ZC3H13: variants seen among roughly 807,000 people sequenced by gnomAD.
ZC3H13 encodes zinc finger CCCH domain-containing protein 13.
In ZC3H13, 64 loss-of-function variants were observed where a neutral mutation model predicts 204.1. The observed-to-expected ratio is 0.31, with a 90% CI of 0.26 to 0.39. The LOEUF is 0.39. Ranked by LOEUF, ZC3H13 falls within the 10% of genes least tolerant of loss-of-function variation. The pLI, the probability that ZC3H13 is intolerant of heterozygous loss-of-function variation, is 1.00. For synonymous variants in ZC3H13, 667 were observed against 693.7 expected, an observed-to-expected ratio of 0.96 and a Z score of 0.60; for missense variants, 1,833 against 2,082.7, an observed-to-expected ratio of 0.88 and a Z score of 2.33.
At chr13:46,010,196 T>C in intron 7 of ZC3H13, 152 bp downstream of exon 7, 1 of 750,392 alleles carries the variant, frequency 1.3e-6, no homozygotes, top group Non-Finnish European at 1.9e-6. Context: ...TAATTGTCTT[T>C]TTAATTGAAA....
At chr13:45,985,219 A>C in intron 10 of ZC3H13, 78 bp downstream of exon 10, 1 of 1,340,160 alleles carries the variant, frequency 7.5e-7, no homozygotes, top group South Asian at 1.5e-5. Flanking sequence ...CAAATGTAAG[A>C]AACAACATAT....
rs1346242609 is a variant in ZC3H13, at chr13:45,969,518, T to A, written c.3026A>T (p.Lys1009Ile). 6.2e-7 allele frequency: 1 copy of A among 1,602,420 alleles called. No individual in the cohort carries two copies. Residue 1009 changes from lysine to isoleucine, a missense_variant, in exon 14 of 19, where the codon AAA becomes ATA. By Grantham distance (102) the Lys-to-Ile change is moderately radical. Coordinates refer to ENST00000679008, the MANE Select transcript of ZC3H13 (RefSeq NM_001330564.2). Reference protein sequence around the residue: ...KKKSIEKKRKKSKGDSDISDE... With the variant: ...KKKSIEKKRKISKGDSDISDE... ...AGAAATATCAGAATCACCTTTGGAT[T>A]TTTTACGTTTTTTTTCAATGCTTTT...
At chr13:45,984,725 G>C (rs1453744977) in intron 10 of ZC3H13, among the ~76,000 whole-genome samples, 2 of 152,180 alleles carry the variant, frequency 1.3e-5, no homozygotes, top group Admixed American at 1.3e-4. Flanking sequence ...AAAGCAGGTG[G>C]AGGTAAAGAG....
chr13:45,990,493 C>T (rs2039893088), intron 8 of ZC3H13, among the ~76,000 whole-genome samples: 1 of 152,148 alleles, frequency 6.6e-6, no homozygotes, highest in Admixed American at 6.5e-5. Context: ...GAACACTACA[C>T]TCACTTAAAC....
Position 45,980,152 on chromosome 13 carries a change from A to G in ZC3H13, c.1721-148T>C, listed in dbSNP as rs1953433791. The G allele has an allele frequency of 4.4e-6, 3 of 685,896 alleles. No individual in the cohort carries two copies. The African/African-American group carries it at 5.7e-5, about 13-fold the overall frequency. The allele number at this position is 685,896 out of a possible 1,614,324, so 42.5% of individuals were successfully genotyped here. A position where few individuals can be genotyped will look rare whatever the true frequency, so the allele number is the denominator to read the frequency against. ...TCACTCCTGAAAAGAGTATCAAGCA[A>G]TGAATCAGAACAACCAAGGTGTCCA... On this transcript the variant is annotated intron_variant, in intron 10 of 18. Coordinates refer to ENST00000679008, the MANE Select transcript of ZC3H13 (RefSeq NM_001330564.2).
intron 4 of ZC3H13, among the ~76,000 whole-genome samples, chr13:46,020,760 A>G (rs1282737923): frequency 6.6e-6 from 1 of 152,142 alleles, no homozygotes; most frequent in Non-Finnish European, 1.5e-5. Context: ...CCATTTTACT[A>G]AAGAACAAAA....
chr13:46,014,458 G>A (rs375795385), intron 5 of ZC3H13, among the ~76,000 whole-genome samples: 2 of 152,074 alleles, frequency 1.3e-5, no homozygotes, highest in Admixed American at 6.5e-5. Flanking sequence ...ATATATAAAA[G>A]GTTTATGTAT....
chr13:46,000,310 T>C (rs1182454413), intron 8 of ZC3H13, among the ~76,000 whole-genome samples: 1 of 152,052 alleles, frequency 6.6e-6, no homozygotes, highest in Non-Finnish European at 1.5e-5. Flanking sequence ...CACTGAAAAT[T>C]TGTTTAGTGT....
chr13:46,052,601 AC>A lies in ZC3H13; in HGVS notation c.-208del, dbSNP rs2044564599. ...CCGGGATGGCTGAGAAGCAGAACCA[AC>A]CCGCCCGCCGCCTCTCCAGGGTCAA... On this transcript the variant is annotated 5_prime_UTR_variant, in exon 1 of 19. Coordinates refer to ENST00000679008, the MANE Select transcript of ZC3H13 (RefSeq NM_001330564.2). 5.0e-6 allele frequency: 2 copies of A among 398,366 alleles called. No homozygotes were observed. Among genetic ancestry groups the A allele is most frequent in the Non-Finnish European group, 8.8e-6 (2 of 226,082 alleles). The allele number at this position is 398,366 out of a possible 1,614,324, so 24.7% of individuals were successfully genotyped here. A position where few individuals can be genotyped will look rare whatever the true frequency, so the allele number is the denominator to read the frequency against.
intron 12 of ZC3H13, 141 bp downstream of exon 12, chr13:45,975,142 T>C (rs1952912170): frequency 7.5e-7 from 1 of 1,334,936 alleles, no homozygotes; most frequent in Non-Finnish European, 1.0e-6. Context: ...CACCGATACA[T>C]ATACTAAATT....
At position 45,985,659 on chromosome 13, in the gene ZC3H13, C is replaced by A. The variant is rs1954115672; in HGVS notation, c.1358G>T (p.Arg453Leu). 6.2e-7 allele frequency: 1 copy of A among 1,613,890 alleles called. No homozygotes were observed. Among genetic ancestry groups the A allele is most frequent in the Non-Finnish European group, 8.5e-7 (1 of 1,180,016 alleles). ...SRDHRDDREP[R>L]DGRDRRDARD... The stretch of plus-strand genomic sequence containing the variant: ...GGCATCTCTCCGATCCCGACCATCT[C>A]GAGGTTCTCTGTCATCTCTGTGGTC... Residue 453 changes from arginine (R) to leucine (L), a missense_variant, in exon 10 of 19, where the codon CGA (arginine) becomes CTA (leucine). Arg to Leu is a moderately radical substitution (Grantham distance 102, BLOSUM62 -2). Around this residue, in one of 5 missense-constraint regions of ZC3H13, gnomAD observed 1,574 missense variants for 1,757.2 expected, o/e 0.90. Coordinates refer to ENST00000679008, the MANE Select transcript of ZC3H13 (RefSeq NM_001330564.2).
chr13:46,030,342 TA>T (rs1218955522), intron 4 of ZC3H13, among the ~76,000 whole-genome samples: 1 of 152,216 alleles, frequency 6.6e-6, no homozygotes, highest in Admixed American at 6.5e-5. Flanking sequence ...TCCCTCTCAC[TA>T]TTCCTTTTCA....
chr13:45,988,258 ATTATTG>A (rs2039696812), intron 9 of ZC3H13, among the ~76,000 whole-genome samples: 1 of 151,952 alleles, frequency 6.6e-6, no homozygotes, highest in Non-Finnish European at 1.5e-5. Flanking sequence ...TATTATTATT[ATTATTG>A]TTATTATTTT....
At chr13:45,982,404 C>T (rs997758798) in intron 10 of ZC3H13, among the ~76,000 whole-genome samples, 5 of 150,468 alleles carry the variant, frequency 3.3e-5, no homozygotes, top group African/African-American at 7.4e-5. Flanking sequence ...GACCTAGAGG[C>T]GAAACAGATA....
intron 4 of ZC3H13, among the ~76,000 whole-genome samples, chr13:46,037,095 A>G (rs1410294175): frequency 6.6e-6 from 1 of 152,228 alleles, no homozygotes; most frequent in Non-Finnish European, 1.5e-5. Context: ...AACAAAGATC[A>G]TGAAAAAGTT....
rs540074025 is a variant in ZC3H13 at position 45,983,819 on chromosome 13, T to C, written c.1720+1478A>G. Among the ~76,000 whole-genome samples, 37 of 152,282 alleles carry C rather than the reference T, an allele frequency of 2.4e-4. No individual in the cohort carries two copies. In the South Asian group the frequency reaches 7.7e-3, roughly 32 times the overall value. ...TCAGAAAAGAAGAGCCAAATCAGTG[T>C]GTTCCTAGGAACATCTGTTAAGAGA... is the stretch of plus-strand genomic sequence containing the variant. On this transcript the variant is annotated intron_variant, in intron 10 of 18. Coordinates refer to ENST00000679008, the MANE Select transcript of ZC3H13 (RefSeq NM_001330564.2).
intron 11 of ZC3H13, among the ~76,000 whole-genome samples, chr13:45,978,410 T>C (rs1160355031): frequency 6.6e-6 from 1 of 152,070 alleles, no homozygotes; most frequent in Non-Finnish European, 1.5e-5. Flanking sequence ...ACAGTAAAAT[T>C]AAAATAGAGA....
chr13:46,048,528 C>T (rs910302158), intron 1 of ZC3H13, among the ~76,000 whole-genome samples: 1 of 141,220 alleles, frequency 7.1e-6, no homozygotes, highest in Non-Finnish European at 1.5e-5. Flanking sequence ...TTGCAGTGAG[C>T]CGAGATTGCG....
chr13:45,974,855 CT>C (rs113260299), intron 12 of ZC3H13, among the ~76,000 whole-genome samples: 218 of 146,040 alleles, frequency 1.5e-3, no homozygotes, highest in African/African-American at 2.8e-3. Flanking sequence ...ACTGAAAAAA[CT>C]TTTTTTTTTT....
Sources: allele counts gnomAD v4.1 joint callset (sites outside exome capture counted in the v4.1 genomes callset), GRCh38; gene constraint gnomAD v4.1.1; regional missense constraint gnomAD v4.1.1; transcripts MANE v1.5; gene names NCBI Gene and HGNC (gene_info 2026-07-23, HGNC 2026-07-21).